Variants in SLC1A2 observed in about 807,000 individuals in gnomAD.
SLC1A2 encodes the protein solute carrier family 1 member 2.
A neutral mutation model predicts 48.8 loss-of-function variants in SLC1A2; 15 were observed. The observed-to-expected ratio is 0.31, with a 90% CI of 0.21 to 0.47. SLC1A2 has a LOEUF of 0.47. Ranked by LOEUF, SLC1A2 falls within the 20% of genes least tolerant of loss-of-function variation. SLC1A2 has a pLI of 0.99. For synonymous variants in SLC1A2, 279 were observed against 272.6 expected (o/e 1.02, Z -0.23); for missense variants, 502 against 730.5 (o/e 0.69, Z 3.61).
intron 8 of SLC1A2, 38 bp downstream of exon 8, chr11:35,286,719 G>A (rs370445942): frequency 6.6e-7 from 1 of 1,520,598 alleles, no homozygotes; most frequent in African/African-American, 1.4e-5. Context: ...GGGGAAACAG[G>A]GTAGAGGTTG....
intron 4 of SLC1A2, among the ~76,000 whole-genome samples, chr11:35,311,152 T>C (rs555334167): frequency 2.6e-5 from 4 of 152,214 alleles, no homozygotes; most frequent in South Asian, 2.1e-4. Flanking sequence ...TGGGTTAAAT[T>C]CTTTTTTTTT....
Position 35,252,858 on chromosome 11 carries a change from T to A in SLC1A2, c.*8036A>T, listed in dbSNP as rs1368836361. 1 of 152,678 alleles carries A rather than the reference T, an allele frequency of 6.5e-6. No homozygotes were observed. The highest frequency in any genetic ancestry group is 1.5e-5 in the Non-Finnish European group (1 of 68,044). 9.5% of individuals were successfully genotyped at this position (152,678 alleles called of 1,614,324 possible). On this transcript the variant is annotated 3_prime_UTR_variant, in exon 11 of 11. Coordinates refer to ENST00000278379, the MANE Select transcript of SLC1A2 (RefSeq NM_004171.4). ...GTGCATAGGCACTGTTCTTCATGCG[T>A]GAACCAAGTGTCAGTGTGTATACAC...
intron 1 of SLC1A2, chr11:35,322,754 G>T (rs1023269426): frequency 8.4e-5 from 71 of 846,182 alleles, no homozygotes; most frequent in Middle Eastern, 2.1e-4. Flanking sequence ...GGATAAGAAT[G>T]CTGGAAATAC....
In SLC1A2 at chr11:35,253,077, G is replaced by A. The variant is rs1323215878; in HGVS notation, c.*7817C>T. ...CCACCATCTCAGAAAGTATTTGGTG[G>A]AAGGAAGACACCTCGTCTCTGCAGT... On this transcript the variant is annotated 3_prime_UTR_variant, in exon 11 of 11. Coordinates refer to ENST00000278379, the MANE Select transcript of SLC1A2 (RefSeq NM_004171.4). 1 of 152,160 alleles carries A rather than the reference G, an allele frequency of 6.6e-6. No individual in the cohort carries two copies. Among genetic ancestry groups the A allele is most frequent in the Non-Finnish European group, 1.5e-5 (1 of 68,024 alleles). The allele number at this position is 152,160 out of a possible 1,614,324, so 9.4% of individuals were successfully genotyped here.
At chr11:35,367,003 T>C (rs966458681) in intron 1 of SLC1A2, among the ~76,000 whole-genome samples, 26 of 152,228 alleles carry the variant, frequency 1.7e-4, no homozygotes, top group African/African-American at 6.3e-4. Context: ...ACAGGGCTTC[T>C]CACTCCTGGG....
At chr11:35,305,494 C>A (rs16927292) in intron 5 of SLC1A2, among the ~76,000 whole-genome samples, 27,630 of 152,092 alleles carry the variant, frequency 0.18, 2,942 homozygotes, top group Admixed American at 0.26. Flanking sequence ...ACTGCAGAGC[C>A]CAAAAACCTC....
At chr11:35,284,112 A>ATATATATATATATATATATATATATATAT (rs1355573961) in intron 8 of SLC1A2, among the ~76,000 whole-genome samples, 1 of 91,402 alleles carries the variant, frequency 1.1e-5, no homozygotes, top group Non-Finnish European at 2.3e-5. Context: ...TATATATATA[A>ATATATATATATATATATATATATATATAT]ATTATTATTT....
intron 9 of SLC1A2, among the ~76,000 whole-genome samples, chr11:35,273,651 C>T (rs1243884449): frequency 6.6e-6 from 1 of 152,158 alleles, no homozygotes; most frequent in East Asian, 1.9e-4. Flanking sequence ...TTATCCATTT[C>T]TTTTTGCACC....
At chr11:35,347,918 G>T (rs979775821) in intron 1 of SLC1A2, among the ~76,000 whole-genome samples, 3 of 152,194 alleles carry the variant, frequency 2.0e-5, no homozygotes, top group Non-Finnish European at 4.4e-5. Flanking sequence ...GAAAAATGAG[G>T]ACAAAGAAGC....
chr11:35,281,889 C>T (rs1259383647), intron 8 of SLC1A2: 2 of 152,010 alleles, frequency 1.3e-5, no homozygotes, highest in Non-Finnish European at 2.9e-5. Flanking sequence ...ATATGGATTC[C>T]CAAGTTGTTT....
intron 1 of SLC1A2, among the ~76,000 whole-genome samples, chr11:35,392,606 C>G (rs1283394143): frequency 6.6e-6 from 1 of 152,214 alleles, no homozygotes; most frequent in East Asian, 1.9e-4. Flanking sequence ...CTGGAGCTCC[C>G]AAGGCCCACC....
intron 1 of SLC1A2, among the ~76,000 whole-genome samples, chr11:35,365,497 A>T (rs1371071537): frequency 6.6e-6 from 1 of 152,124 alleles, no homozygotes; most frequent in Non-Finnish European, 1.5e-5. Context: ...CCAACACAGA[A>T]CCAAAGTAAC....
intron 1 of SLC1A2, among the ~76,000 whole-genome samples, chr11:35,359,851 C>T (rs144348468): frequency 5.9e-5 from 9 of 152,216 alleles, no homozygotes; most frequent in African/African-American, 1.9e-4. Flanking sequence ...TTCACAGGAG[C>T]GAAATCACAT....
chr11:35,386,580 C>T (rs976089163), intron 1 of SLC1A2, among the ~76,000 whole-genome samples: 2 of 152,012 alleles, frequency 1.3e-5, no homozygotes, highest in East Asian at 1.9e-4. Context: ...TTCAAAAAAC[C>T]CATCAGTTTA....
intron 1 of SLC1A2, among the ~76,000 whole-genome samples, chr11:35,384,944 A>G (rs2135217993): frequency 6.6e-6 from 1 of 152,338 alleles, no homozygotes; most frequent in South Asian, 2.1e-4. Flanking sequence ...AAAAGTAACC[A>G]TCTGCCTAAA....
At chr11:35,275,012 G>C (rs2134656958) in intron 9 of SLC1A2, among the ~76,000 whole-genome samples, 1 of 152,314 alleles carries the variant, frequency 6.6e-6, no homozygotes, top group African/African-American at 2.4e-5. Flanking sequence ...CTGGAAGGGA[G>C]AGTCCCTGGA....
chr11:35,329,397 C>T (rs997476409), intron 1 of SLC1A2, among the ~76,000 whole-genome samples: 3 of 152,140 alleles, frequency 2.0e-5, no homozygotes, highest in Admixed American at 6.5e-5. Flanking sequence ...GTAAGTTCAT[C>T]GCTTGTGATA....
chr11:35,357,794 G>C (rs910702520), intron 1 of SLC1A2, among the ~76,000 whole-genome samples: 1 of 152,094 alleles, frequency 6.6e-6, no homozygotes. Context: ...GGCTAGAAAA[G>C]AATTTAAAAT....
rs1020867189 is a variant in SLC1A2 at position 35,312,091 on chromosome 11, A to G, written c.561+107T>C. ...CCTGGGCCTAGACAGAGATAATTAT[A>G]TATTTAGAAAATTTCTACCCAGAGT... On this transcript the variant is annotated intron_variant, in intron 4 of 10. Transcript: ENST00000278379. The G allele has an allele frequency of 1.8e-5, 20 of 1,133,772 alleles. No individual in the cohort carries two copies. The Admixed American group carries it at 3.0e-4, about 17-fold the overall frequency. 70.2% of individuals were successfully genotyped at this position (1,133,772 alleles called of 1,614,324 possible).
Sources: allele counts gnomAD v4.1 joint callset (sites outside exome capture counted in the v4.1 genomes callset), GRCh38; gene constraint gnomAD v4.1.1; transcripts MANE v1.5; gene names NCBI Gene and HGNC (gene_info 2026-07-23, HGNC 2026-07-21).